The following LRRTM3 variants were observed in gnomAD, a reference collection of about 807,000 sequenced individuals.
LRRTM3 encodes the protein leucine-rich repeat transmembrane neuronal protein 3.
Under a neutral mutation model 44.7 loss-of-function variants are expected in LRRTM3, and 24 were observed. That is an observed-to-expected ratio of 0.54 (90% confidence interval 0.39 to 0.76). The LOEUF (loss-of-function observed/expected upper bound fraction) is 0.76. Among genes scored for constraint, LRRTM3 ranks in the 30% least tolerant of loss-of-function variants. The pLI is 0.00. For synonymous variants in LRRTM3, 277 were observed against 278.7 expected (o/e 0.99, Z 0.06); for missense variants, 587 against 702.2 (o/e 0.84, Z 1.85).
At chr10:66,943,269 G>C (rs868210372) in intron 2 of LRRTM3, among the ~76,000 whole-genome samples, 1 of 152,154 alleles carries the variant, frequency 6.6e-6, no homozygotes, top group Admixed American at 6.5e-5. Context: ...AAACCTCATA[G>C]AGCTGTTGTG....
At chr10:67,052,927 G>T (rs1855201493) in intron 2 of LRRTM3, among the ~76,000 whole-genome samples, 1 of 152,110 alleles carries the variant, frequency 6.6e-6, no homozygotes, top group East Asian at 1.9e-4. Flanking sequence ...TACTCATTTG[G>T]CTCACCTAAA....
At chr10:67,048,578 T>C (rs944374799) in intron 2 of LRRTM3, among the ~76,000 whole-genome samples, 2 of 152,090 alleles carry the variant, frequency 1.3e-5, no homozygotes, top group African/African-American at 2.4e-5. Flanking sequence ...TTATATACAT[T>C]ATCACAACAC....
intron 2 of LRRTM3, among the ~76,000 whole-genome samples, chr10:67,085,739 C>T (rs1467747854): frequency 6.6e-6 from 1 of 151,850 alleles, no homozygotes; most frequent in Non-Finnish European, 1.5e-5. Context: ...TATTCAGTTC[C>T]CTGCCAATCT....
chr10:67,092,000 C>G (rs946756190), intron 2 of LRRTM3, among the ~76,000 whole-genome samples: 1 of 151,670 alleles, frequency 6.6e-6, no homozygotes, highest in Non-Finnish European at 1.5e-5. Context: ...AACTGAAAAC[C>G]CCTTAAGTTT....
chr10:66,940,785 CAAAAA>C (rs879777054), intron 2 of LRRTM3, among the ~76,000 whole-genome samples: 1 of 143,480 alleles, frequency 7.0e-6, no homozygotes, highest in African/African-American at 2.5e-5. Flanking sequence ...CTGGTTTAAA[CAAAAA>C]AAAAAACTTA....
intron 2 of LRRTM3, among the ~76,000 whole-genome samples, chr10:67,059,719 A>G (rs2133214138): frequency 6.6e-6 from 1 of 152,294 alleles, no homozygotes; most frequent in African/African-American, 2.4e-5. Context: ...ATAAGGAATC[A>G]GAATGGAGAA....
At chr10:66,932,583 G>C (rs1847464925) in intron 2 of LRRTM3, among the ~76,000 whole-genome samples, 1 of 152,100 alleles carries the variant, frequency 6.6e-6, no homozygotes, top group African/African-American at 2.4e-5. Context: ...GCAGTTGGGG[G>C]AAACAATGAG....
At position 67,100,073 on chromosome 10, in the gene LRRTM3, T is replaced by C. The variant is rs954664697; in HGVS notation, c.*2277T>C. On this transcript the variant is annotated 3_prime_UTR_variant, in exon 3 of 3. Coordinates refer to ENST00000361320, the MANE Select transcript of LRRTM3 (RefSeq NM_178011.5). ...AAGCACAAATTAACATATTTGTTAA[T>C]AAATAGGTTTATCTACTAATAAACC... Among the ~76,000 whole-genome samples the C allele has an allele frequency of 2.6e-5, 4 of 151,786 alleles. No individual in the cohort carries two copies. The highest frequency in any genetic ancestry group is 9.7e-5 in the African/African-American group (4 of 41,414).
chr10:66,953,983 A>G (rs1293228162), intron 2 of LRRTM3, among the ~76,000 whole-genome samples: 2 of 152,210 alleles, frequency 1.3e-5, no homozygotes, highest in African/African-American at 2.4e-5. Context: ...GTTTTGAAAT[A>G]CAAAATAATT....
At chr10:67,075,954 C>T (rs1377010449) in intron 2 of LRRTM3, among the ~76,000 whole-genome samples, 2 of 152,168 alleles carry the variant, frequency 1.3e-5, no homozygotes, top group Non-Finnish European at 2.9e-5. Flanking sequence ...CATGCAATTT[C>T]CTTTTTCTCC....
intron 2 of LRRTM3, among the ~76,000 whole-genome samples, chr10:67,009,481 A>T (rs948698327): frequency 2.6e-4 from 39 of 151,374 alleles, no homozygotes; most frequent in African/African-American, 9.5e-4. Context: ...TCTGTTTTTC[A>T]TTGAACCTCT....
At chr10:67,027,435 A>ATT (rs1853459423) in intron 2 of LRRTM3, among the ~76,000 whole-genome samples, 1 of 99,522 alleles carries the variant, frequency 1.0e-5, no homozygotes, top group African/African-American at 3.3e-5. Context: ...TTCTTTCATG[A>ATT]CTTTTTTTTT....
intron 2 of LRRTM3, among the ~76,000 whole-genome samples, chr10:67,043,394 C>G (rs1382547017): frequency 6.6e-6 from 1 of 152,108 alleles, no homozygotes; most frequent in African/African-American, 2.4e-5. Context: ...CCAAAACATG[C>G]TACTGAAACC....
At chr10:66,936,208 T>C (rs1016247472) in intron 2 of LRRTM3, among the ~76,000 whole-genome samples, 1 of 152,180 alleles carries the variant, frequency 6.6e-6, no homozygotes, top group African/African-American at 2.4e-5. Flanking sequence ...GTGTGGAGTC[T>C]TTATTAGTTT....
At chr10:67,014,299 A>AAATTGT (rs1166459166) in intron 2 of LRRTM3, among the ~76,000 whole-genome samples, 1 of 152,154 alleles carries the variant, frequency 6.6e-6, no homozygotes, top group Non-Finnish European at 1.5e-5. Context: ...GTTTACACAA[A>AAATTGT]AATTGTAATT....
chr10:67,042,191 T>C (rs1290896396), intron 2 of LRRTM3, among the ~76,000 whole-genome samples: 1 of 152,136 alleles, frequency 6.6e-6, no homozygotes, highest in African/African-American at 2.4e-5. Context: ...ACCTGGATGT[T>C]AGAGGGCTAA....
intron 2 of LRRTM3, among the ~76,000 whole-genome samples, chr10:67,084,045 G>T (rs1857182581): frequency 6.6e-6 from 1 of 152,078 alleles, no homozygotes; most frequent in Admixed American, 6.6e-5. Context: ...ACTTTTCAGG[G>T]AGAAGGTAGG....
At chr10:67,060,503 C>T (rs1855699045) in intron 2 of LRRTM3, among the ~76,000 whole-genome samples, 1 of 152,084 alleles carries the variant, frequency 6.6e-6, no homozygotes, top group Non-Finnish European at 1.5e-5. Context: ...TCAAATATTC[C>T]AGTTAGTTTT....
At chr10:67,083,674 C>A (rs1208809469) in intron 2 of LRRTM3, among the ~76,000 whole-genome samples, 1 of 152,110 alleles carries the variant, frequency 6.6e-6, no homozygotes, top group Non-Finnish European at 1.5e-5. Flanking sequence ...GTGGCTTTCC[C>A]TCTACCCTAT....
Sources: allele counts gnomAD v4.1 joint callset (sites outside exome capture counted in the v4.1 genomes callset), GRCh38; gene constraint gnomAD v4.1.1; transcripts MANE v1.5; gene names NCBI Gene and HGNC (gene_info 2026-07-23, HGNC 2026-07-21).